The following DLAT variants were observed in gnomAD, a reference collection of about 807,000 sequenced individuals.
The protein encoded by DLAT is dihydrolipoamide S-acetyltransferase.
DLAT carries 43 observed loss-of-function variants against 68.0 expected under a neutral mutation model. The ratio of observed to expected loss-of-function variants is 0.63; its 90% CI spans 0.50 to 0.81. The LOEUF (loss-of-function observed/expected upper bound fraction) is 0.81. DLAT is among the 40% of genes least tolerant of loss of function. The pLI is 0.00. For synonymous variants in DLAT, 265 were observed against 288.6 expected (o/e 0.92, Z 0.83); for missense variants, 745 against 815.4 (o/e 0.91, Z 1.05).
At chr11:112,057,113 A>G (rs1304201820) in intron 11 of DLAT, among the ~76,000 whole-genome samples, 1 of 152,196 alleles carries the variant, frequency 6.6e-6, no homozygotes, top group Non-Finnish European at 1.5e-5. Flanking sequence ...TCAATGCCCC[A>G]TGAACCATGC....
At chr11:112,045,652 C>T (rs1555181410) in intron 9 of DLAT, among the ~76,000 whole-genome samples, 3 of 150,798 alleles carry the variant, frequency 2.0e-5, no homozygotes, top group African/African-American at 7.3e-5. Context: ...CGCACCACCG[C>T]ACTCCAGCCT....
rs1330769381 is a variant in DLAT, at chr11:112,036,229, T to G, written c.788-1044T>G. Among the ~76,000 whole-genome samples, 240 of 103,406 alleles carry G rather than the reference T, an allele frequency of 2.3e-3. 2 individuals carry two copies. The highest frequency in any genetic ancestry group is 7.7e-3 in the African/African-American group (222 of 28,902). 67.8% of individuals were successfully genotyped at this position (103,406 alleles called of 152,430 possible). ...TTTTTTTTTTTTTTTTTTTTTTTTT[T>G]TGAGACGGAGTTTCGCTCTTGTTGC... On this transcript the variant is annotated intron_variant, in intron 5 of 13. Transcript: ENST00000280346.
chr11:112,057,139 A>G (rs1187330074), intron 11 of DLAT, among the ~76,000 whole-genome samples: 1 of 152,228 alleles, frequency 6.6e-6, no homozygotes, highest in Non-Finnish European at 1.5e-5. Context: ...TAAGATGGCA[A>G]ACTTCATTGA....
intron 10 of DLAT, among the ~76,000 whole-genome samples, chr11:112,048,643 C>T (rs1312146660): frequency 3.3e-5 from 5 of 152,076 alleles, no homozygotes; most frequent in Admixed American, 6.6e-5. Context: ...AAGCAATTCT[C>T]GTCCCTCAGC....
intron 7 of DLAT, among the ~76,000 whole-genome samples, chr11:112,040,626 G>A (rs1555180950): frequency 6.6e-6 from 1 of 152,144 alleles, no homozygotes; most frequent in East Asian, 1.9e-4. Context: ...AGACACAAGA[G>A]TAGAATGTTG....
intron 8 of DLAT, 45 bp from the exon 9 acceptor site, chr11:112,045,092 TA>T: frequency 6.8e-7 from 1 of 1,467,308 alleles, no homozygotes; most frequent in Non-Finnish European, 9.5e-7. Flanking sequence ...GTACTTACGC[TA>T]AGATTGAATC....
In DLAT at chr11:112,025,746, C is replaced by A. The variant is rs1555179166; in HGVS notation, c.274C>A (p.Gln92Lys). 2 of 1,613,228 alleles carry A rather than the reference C, an allele frequency of 1.2e-6. No individual in the cohort carries two copies. The highest frequency in any genetic ancestry group is 3.3e-5 in the Admixed American group (2 of 60,026). ...CCGCTATTACAGTCTTCCCCCGCAT[C>A]AGAAGGTGAGCCCTAGACCCCCCTT... The part of the protein sequence containing the change: ...GRRYYSLPPH[Q>K]KVPLPSLSPT... The change falls in exon 1 of 14, where the codon CAG becomes AAG. Residue 92 changes from glutamine (Q) to lysine (K), a missense_variant. Physicochemically the swap from Gln to Lys is moderately conservative, Grantham distance 53. Coordinates refer to ENST00000280346, the MANE Select transcript of DLAT (RefSeq NM_001931.5).
chr11:112,034,547 A>AT (rs1862589306), intron 5 of DLAT, among the ~76,000 whole-genome samples: 1 of 151,410 alleles, frequency 6.6e-6, no homozygotes, highest in African/African-American at 2.4e-5. Flanking sequence ...GGTTCACGCC[A>AT]TTCTCCTGCC....
rs587599360 is a variant in DLAT at position 112,029,922 on chromosome 11, A to G, written c.660+977A>G. 100 of 724,918 alleles carry G rather than the reference A, an allele frequency of 1.4e-4. No individual in the cohort carries two copies. In the African/African-American group the frequency reaches 1.6e-3, roughly 12 times the overall value. 44.9% of individuals were successfully genotyped at this position (724,918 alleles called of 1,614,324 possible). ...AACATTCTGAATCTTTCTCATCACT[A>G]GAAGTCCATCAGTGATTTTTCCAAA... On this transcript the variant is annotated intron_variant, in intron 4 of 13. Transcript: ENST00000280346.
intron 2 of DLAT, among the ~76,000 whole-genome samples, chr11:112,027,601 C>G (rs1405773755): frequency 1.3e-5 from 2 of 152,152 alleles, no homozygotes; most frequent in Non-Finnish European, 2.9e-5. Flanking sequence ...GCACTCCAGC[C>G]TGGGCACCAT....
intron 7 of DLAT, among the ~76,000 whole-genome samples, 177 bp from the exon 8 acceptor site, chr11:112,043,289 G>C (rs757448314): frequency 2.0e-5 from 3 of 152,244 alleles, no homozygotes; most frequent in Non-Finnish European, 4.4e-5. Flanking sequence ...AAAATTAATA[G>C]TTGACAAAAG....
At chr11:112,031,512 G>A (rs1476439915) in intron 4 of DLAT, among the ~76,000 whole-genome samples, 1 of 151,666 alleles carries the variant, frequency 6.6e-6, no homozygotes, top group African/African-American at 2.4e-5. Context: ...TGCCTCCTGG[G>A]TTCAAGCGAT....
rs587698010 is a variant in DLAT at position 112,035,237 on chromosome 11, C to G, written c.787+1707C>G. Among the ~76,000 whole-genome samples the G allele has an allele frequency of 2.1e-4, 32 of 152,346 alleles. No individual in the cohort carries two copies. The South Asian group carries it at 6.6e-3, about 32-fold the overall frequency. On this transcript the variant is annotated intron_variant, in intron 5 of 13. Transcript: ENST00000280346. The stretch of plus-strand genomic sequence containing the variant: ...GGGGGAATTAAAGAGCAGGACCTTA[C>G]AGCCCTGCCTCCCTGCCTTACTTCC...
Position 112,027,934 on chromosome 11 carries a change from G to C in DLAT, c.382-581G>C, listed in dbSNP as rs587704659. On this transcript the variant is annotated intron_variant, in intron 2 of 13. Transcript: ENST00000280346. ...ACCGTGGGGAGAGGGAGAGGGAGAC[G>C]GAGAGGGAGAGGGAGAGGGTAAGTT... Among the ~76,000 whole-genome samples, 26 of 149,700 alleles carry C rather than the reference G, an allele frequency of 1.7e-4. No homozygotes were observed. In the South Asian group the frequency reaches 4.7e-3, roughly 27 times the overall value.
Position 112,064,220 on chromosome 11 carries a change from C to T in DLAT, c.*1685C>T. 2 of 1,557,138 alleles carry T rather than the reference C, an allele frequency of 1.3e-6. No homozygotes were observed. The highest frequency in any genetic ancestry group is 1.7e-6 in the Non-Finnish European group (2 of 1,154,016). On this transcript the variant is annotated 3_prime_UTR_variant, in exon 14 of 14. Coordinates refer to ENST00000280346, the MANE Select transcript of DLAT (RefSeq NM_001931.5). The stretch of plus-strand genomic sequence containing the variant: ...CGCTAATGCTTGTGGTTCTGTTGTT[C>T]CCTTGAAAAAAAATAAAAACAGTTG...
At position 112,026,310 on chromosome 11, in the gene DLAT, T is replaced by TG; in HGVS notation, c.381+11_381+12insG. On this transcript the variant is annotated intron_variant, in intron 2 of 13. Transcript: ENST00000280346. Reference sequence around the variant, plus strand: ...GACCTAATTGCAGAGGTAAGTTTTTTTTTTTTTTTTTAATTAATTTATTTA... The same window carrying TG: ...GACCTAATTGCAGAGGTAAGTTTTTTGTTTTTTTTTTTAATTAATTTATTTA... 2 of 1,365,112 alleles carry TG rather than the reference T, an allele frequency of 1.5e-6. No individual in the cohort carries two copies. The highest frequency in any genetic ancestry group is 1.6e-5 in the South Asian group (1 of 60,866). 84.6% of individuals were successfully genotyped at this position (1,365,112 alleles called of 1,614,324 possible). A position where few individuals can be genotyped will look rare whatever the true frequency, so the allele number is the denominator to read the frequency against.
chr11:112,060,918 A>C, intron 12 of DLAT, 120 bp from the exon 13 acceptor site: 1 of 796,844 alleles, frequency 1.3e-6, no homozygotes, highest in Non-Finnish European at 2.0e-6. Context: ...TGTGTATTCC[A>C]TTCAGGCCTT....
In DLAT at chr11:112,062,996, A is replaced by C. The variant is rs1440785755; in HGVS notation, c.*461A>C. 6.3e-6 allele frequency: 1 copy of C among 159,518 alleles called. No homozygotes were observed. Among genetic ancestry groups the C allele is most frequent in the African/African-American group, 2.4e-5 (1 of 41,500 alleles). The allele number at this position is 159,518 out of a possible 1,614,324, so 9.9% of individuals were successfully genotyped here. On this transcript the variant is annotated 3_prime_UTR_variant, in exon 14 of 14. Coordinates refer to ENST00000280346, the MANE Select transcript of DLAT (RefSeq NM_001931.5). ...GGGGAAGGGCTTGAATTGAAGCTTT[A>C]CTTTAGAATTTAGCCCTGGTTTGAA...
At chr11:112,049,009 T>C (rs1442125218) in intron 10 of DLAT, among the ~76,000 whole-genome samples, 1 of 147,952 alleles carries the variant, frequency 6.8e-6, no homozygotes, top group Non-Finnish European at 1.5e-5. Context: ...AGACAGAGTC[T>C]TGCTCTGTCA....
Sources: allele counts gnomAD v4.1 joint callset (sites outside exome capture counted in the v4.1 genomes callset), GRCh38; gene constraint gnomAD v4.1.1; transcripts MANE v1.5; gene names NCBI Gene and HGNC (gene_info 2026-07-23, HGNC 2026-07-21).